Variants in ITIH3 observed in about 807,000 individuals in gnomAD.
ITIH3 encodes inter-alpha-trypsin inhibitor heavy chain 3.
In ITIH3, 81 loss-of-function variants were observed where a neutral mutation model predicts 96.5. That is an observed-to-expected ratio of 0.84 (90% confidence interval 0.70 to 1.01). The LOEUF (loss-of-function observed/expected upper bound fraction) is 1.01. ITIH3 is among the 50% of genes least tolerant of loss of function. The pLI is 0.00. For missense variants in ITIH3, 1,057 were observed against 1,139.3 expected (o/e 0.93, Z 1.04); for synonymous variants, 422 against 445.2 (o/e 0.95, Z 0.66).
chr3:52,802,320 C>T lies in ITIH3; in HGVS notation c.1384-14C>T, dbSNP rs369890584. ...ACCTGGGGCTTGAGATGACTGGCCCCGTGCGAACTTCAGGGCTTCTATGAG... is the reference window on the plus strand; with the variant it reads ...ACCTGGGGCTTGAGATGACTGGCCCTGTGCGAACTTCAGGGCTTCTATGAG... On this transcript the variant is annotated splice_polypyrimidine_tract_variant and intron_variant, in intron 11 of 21. Coordinates refer to ENST00000449956, the MANE Select transcript of ITIH3 (RefSeq NM_002217.4). The T allele has an allele frequency of 9.1e-5, 147 of 1,612,926 alleles. 2 individuals carry two copies. The Middle Eastern group carries it at 1.5e-3, about 16-fold the overall frequency.
chr3:52,798,231 A>C (rs1018968899), intron 6 of ITIH3, among the ~76,000 whole-genome samples: 1 of 152,212 alleles, frequency 6.6e-6, no homozygotes, highest in Non-Finnish European at 1.5e-5. Context: ...CCGAGGCTGA[A>C]GCCCAAGGGA....
intron 1 of ITIH3, 103 bp from the exon 2 acceptor site, chr3:52,795,499 GC>G: frequency 8.1e-7 from 1 of 1,242,072 alleles, no homozygotes; most frequent in Non-Finnish European, 1.1e-6. Context: ...GGGGGGCAGG[GC>G]ACCACTGAAC....
intron 15 of ITIH3, chr3:52,805,345 A>T (rs1329971955): frequency 9.8e-7 from 1 of 1,016,558 alleles, no homozygotes; most frequent in East Asian, 1.0e-4. Flanking sequence ...TTCCCCTCAG[A>T]ACAGCCCTGA....
At chr3:52,799,710 A>T in intron 8 of ITIH3, 43 bp from the exon 9 acceptor site, 4 of 1,561,176 alleles carry the variant, frequency 2.6e-6, no homozygotes, top group Non-Finnish European at 3.5e-6. Context: ...AAGGGACCTC[A>T]CTCTCTGCTG....
intron 13 of ITIH3, among the ~76,000 whole-genome samples, chr3:52,803,438 C>A (rs1337376069): frequency 6.6e-6 from 1 of 151,728 alleles, no homozygotes; most frequent in Non-Finnish European, 1.5e-5. Flanking sequence ...CCTGCCTCAG[C>A]CTCCCAAGTA....
rs1699994941 is a variant in ITIH3 at position 52,805,312 on chromosome 3, C to T, written c.1874-496C>T. ...CCTGCCCCACCTCCATTTGGACTGG[C>T]ACATTTGGACTGGGCCATCACATTC... is the stretch of plus-strand genomic sequence containing the variant. On this transcript the variant is annotated intron_variant, in intron 15 of 21. Coordinates refer to ENST00000449956, the MANE Select transcript of ITIH3 (RefSeq NM_002217.4). The T allele has an allele frequency of 5.0e-6, 5 of 1,007,130 alleles. No homozygotes were observed. In the African/African-American group the frequency reaches 5.2e-5, roughly 10 times the overall value. The allele number at this position is 1,007,130 out of a possible 1,614,324, so 62.4% of individuals were successfully genotyped here. A position where few individuals can be genotyped will look rare whatever the true frequency, so the allele number is the denominator to read the frequency against.
intron 19 of ITIH3, among the ~76,000 whole-genome samples, chr3:52,807,377 G>A (rs1251102760): frequency 6.6e-6 from 1 of 152,190 alleles, no homozygotes; most frequent in East Asian, 1.9e-4. Flanking sequence ...TGCCTCTTCT[G>A]TGGCTGCTCT....
In ITIH3 at chr3:52,808,177, A is replaced by G; in HGVS notation, c.2499A>G (p.Pro833=). ...DIRPGSDPTK[P]DATLVVKNHQ... Reference sequence around the variant, plus strand: ...GGCCAGGCTCTGACCCCACAAAGCCAGATGCCACATTGGTGGTGAAGAACC... The same window carrying G: ...GGCCAGGCTCTGACCCCACAAAGCCGGATGCCACATTGGTGGTGAAGAACC... The change falls in exon 21 of 22, where the codon CCA becomes CCG. Residue 833 remains proline, a synonymous_variant. Transcript: ENST00000449956. The G allele has an allele frequency of 6.2e-7, 1 of 1,614,238 alleles. No homozygotes were observed. Among genetic ancestry groups the G allele is most frequent in the Non-Finnish European group, 8.5e-7 (1 of 1,180,030 alleles).
At chr3:52,804,680 T>C (rs1426481096) in intron 14 of ITIH3, 46 bp from the exon 15 acceptor site, 9 of 1,565,118 alleles carry the variant, frequency 5.8e-6, no homozygotes, top group African/African-American at 2.7e-5. Flanking sequence ...AAGTGCCCTA[T>C]GGCTTCTAAT....
At position 52,797,102 on chromosome 3, in the gene ITIH3, C is replaced by T. The variant is rs747392217; in HGVS notation, c.387-3C>T. The T allele has an allele frequency of 1.2e-6, 2 of 1,607,680 alleles. No individual in the cohort carries two copies. Among genetic ancestry groups the T allele is most frequent in the Non-Finnish European group, 1.7e-6 (2 of 1,177,806 alleles). On this transcript the variant is annotated splice_polypyrimidine_tract_variant and splice_region_variant and intron_variant, in intron 4 of 21. Coordinates refer to ENST00000449956, the MANE Select transcript of ITIH3 (RefSeq NM_002217.4). ...GGGAGTCACCATCTCGCACCCTGGT[C>T]AGGGCCTCTGGGAGGAAGTTGGAGA...
chr3:52,799,932 A>G lies in ITIH3; in HGVS notation c.1075+11A>G, dbSNP rs771597774. ...TGGAGGATAAAGGAAGTAAGAGCGGAGCTGGAGCCCACACACCTCCTAGCG... is the reference window on the plus strand; with the variant it reads ...TGGAGGATAAAGGAAGTAAGAGCGGGGCTGGAGCCCACACACCTCCTAGCG... On this transcript the variant is annotated intron_variant, in intron 9 of 21. Transcript: ENST00000449956. The G allele has an allele frequency of 5.0e-6, 8 of 1,611,652 alleles. No homozygotes were observed. Among genetic ancestry groups the G allele is most frequent in the Non-Finnish European group, 5.9e-6 (7 of 1,178,802 alleles).
chr3:52,802,256 G>T, intron 11 of ITIH3, 78 bp from the exon 12 acceptor site: 2 of 1,462,214 alleles, frequency 1.4e-6, no homozygotes, highest in East Asian at 2.3e-5. Context: ...GCCCAGCCCT[G>T]GGGCATGGAT....
rs374134167 is a variant in ITIH3 at position 52,802,227 on chromosome 3, T to C, written c.1384-107T>C. The C allele has an allele frequency of 3.4e-5, 40 of 1,161,040 alleles. No individual in the cohort carries two copies. In the East Asian group the frequency reaches 3.5e-4, roughly 10 times the overall value. 71.9% of individuals were successfully genotyped at this position (1,161,040 alleles called of 1,614,324 possible). On this transcript the variant is annotated intron_variant, in intron 11 of 21. Coordinates refer to ENST00000449956, the MANE Select transcript of ITIH3 (RefSeq NM_002217.4). Reference sequence around the variant, plus strand: ...CAGTCAGGGACAGGCAGAGTGAACATTAGGAGCCATTAGGACGGGCCCAGC... The same window carrying C: ...CAGTCAGGGACAGGCAGAGTGAACACTAGGAGCCATTAGGACGGGCCCAGC...
chr3:52,804,974 A>T, intron 15 of ITIH3: 1 of 558,414 alleles, frequency 1.8e-6, no homozygotes, highest in Non-Finnish European at 3.3e-6. Flanking sequence ...GACAGTATCT[A>T]TGACCTGCAA....
chr3:52,796,466 C>T lies in ITIH3; in HGVS notation c.115-15C>T, dbSNP rs760883457. On this transcript the variant is annotated splice_polypyrimidine_tract_variant and intron_variant, in intron 2 of 21. Coordinates refer to ENST00000449956, the MANE Select transcript of ITIH3 (RefSeq NM_002217.4). Reference sequence around the variant, plus strand: ...GTGTCCCAGTCTGGCTGATTCTCCACCCACCTCCCCAAAGGTGGCCAATGG... The same window carrying T: ...GTGTCCCAGTCTGGCTGATTCTCCATCCACCTCCCCAAAGGTGGCCAATGG... 16 of 1,606,824 alleles carry T rather than the reference C, an allele frequency of 1.0e-5. No individual in the cohort carries two copies. Among genetic ancestry groups the T allele is most frequent in the African/African-American group, 2.7e-5 (2 of 74,778 alleles).
rs368240813 is a variant in ITIH3, at chr3:52,797,056, G to A, written c.387-49G>A. The stretch of plus-strand genomic sequence containing the variant: ...GCCTGGGGCCGAGGGCCGAGGAAGG[G>A]TGGGCTCCTGCAGTCTTTGAGGGAG... On this transcript the variant is annotated intron_variant, in intron 4 of 21. Coordinates refer to ENST00000449956, the MANE Select transcript of ITIH3 (RefSeq NM_002217.4). 3.8e-5 allele frequency: 60 copies of A among 1,578,282 alleles called. No homozygotes were observed. In the African/African-American group the frequency reaches 4.8e-4, roughly 13 times the overall value.
At chr3:52,796,231 C>T (rs116388986) in intron 2 of ITIH3, among the ~76,000 whole-genome samples, 1 of 152,188 alleles carries the variant, frequency 6.6e-6, no homozygotes, top group Non-Finnish European at 1.5e-5. Flanking sequence ...CAAGCTCTCA[C>T]TGGCTGCAGT....
intron 18 of ITIH3, 58 bp downstream of exon 18, chr3:52,806,464 C>T: frequency 7.4e-7 from 1 of 1,351,156 alleles, no homozygotes; most frequent in Non-Finnish European, 1.0e-6. Context: ...GGCTTGGGTC[C>T]CCCGAGGTAG....
At chr3:52,800,471 C>A in intron 9 of ITIH3, 67 bp from the exon 10 acceptor site, 1 of 1,542,156 alleles carries the variant, frequency 6.5e-7, no homozygotes, top group East Asian at 2.4e-5. Flanking sequence ...GCCTCCTCCG[C>A]TCCAGCCTGT....
Sources: gnomAD v4.1 joint callset for allele counts (sites outside exome capture counted in the v4.1 genomes callset) on GRCh38, gnomAD v4.1.1 for gene constraint, MANE v1.5 for transcripts, NCBI Gene and HGNC (gene_info 2026-07-23, HGNC 2026-07-21) for gene names.